The following OTUD7A variants were observed in gnomAD, a reference collection of about 807,000 sequenced individuals.
OTUD7A encodes the protein OTU domain-containing protein 7A.
In OTUD7A, 12 loss-of-function variants were observed where a neutral mutation model predicts 65.7. That is an observed-to-expected ratio of 0.18 (90% CI 0.12 to 0.30). The LOEUF (loss-of-function observed/expected upper bound fraction) is 0.30. OTUD7A is among the 10% of genes least tolerant of loss of function. The pLI is 1.00. For missense variants in OTUD7A, 1,148 were observed against 1,304.8 expected, an observed-to-expected ratio of 0.88 and a Z score of 1.85; for synonymous variants, 641 against 586.3, an observed-to-expected ratio of 1.09 and a Z score of -1.35.
chr15:31,766,607 GATA>G (rs1445530025), intron 1 of OTUD7A: 148 of 1,608,638 alleles, frequency 9.2e-5, no homozygotes, highest in Non-Finnish European at 1.2e-4. Context: ...CTGGTGTATT[GATA>G]ATAACTATTC....
intron 1 of OTUD7A, among the ~76,000 whole-genome samples, chr15:31,682,885 ATGTG>A (rs1892751038): frequency 6.6e-6 from 1 of 152,184 alleles, no homozygotes; most frequent in Non-Finnish European, 1.5e-5. Context: ...TTGCATGCGC[ATGTG>A]TGTATGAATG....
chr15:31,753,684 GAGATATATATATATATATT>G (rs1555413844), intron 1 of OTUD7A, among the ~76,000 whole-genome samples: 28,631 of 60,742 alleles, frequency 0.47, 5,128 homozygotes, highest in Middle Eastern at 0.56. Flanking sequence ...TATAACCTGT[GAGATATATATATATATATT>G]ATATATATAT....
At chr15:31,602,369 A>G (rs1376752734) in intron 3 of OTUD7A, among the ~76,000 whole-genome samples, 1 of 152,182 alleles carries the variant, frequency 6.6e-6, no homozygotes. Context: ...GATTATCTCA[A>G]TGGATGCAGA....
intron 1 of OTUD7A, among the ~76,000 whole-genome samples, chr15:31,772,460 G>A (rs986347008): frequency 2.6e-5 from 4 of 152,032 alleles, no homozygotes; most frequent in Non-Finnish European, 4.4e-5. Context: ...TGAGTTGTGG[G>A]GCATACACAG....
chr15:31,844,821 G>A (rs1346154108), intron 1 of OTUD7A, among the ~76,000 whole-genome samples: 1 of 152,234 alleles, frequency 6.6e-6, no homozygotes, highest in Non-Finnish European at 1.5e-5. Context: ...GGCCACGAGA[G>A]GCAATGCCCT....
chr15:31,816,764 C>T lies in OTUD7A; in HGVS notation c.-100+53743G>A, dbSNP rs1287600283. 5.3e-5 allele frequency among the ~76,000 whole-genome samples: 8 copies of T among 152,182 alleles called. No individual in the cohort carries two copies. In the East Asian group the frequency reaches 1.5e-3, roughly 29 times the overall value. ...ACTTAAAAGAATCCTAGGGTAAATC[C>T]TTTGGCAAACAAATTATTAATGCCA... On this transcript the variant is annotated intron_variant, in intron 1 of 12. Coordinates refer to ENST00000307050, the MANE Select transcript of OTUD7A (RefSeq NM_001382637.1).
chr15:31,737,300 T>C (rs1378764417), intron 1 of OTUD7A, among the ~76,000 whole-genome samples: 1 of 152,110 alleles, frequency 6.6e-6, no homozygotes, highest in African/African-American at 2.4e-5. Context: ...CTATCCACTA[T>C]TGAAATAGAG....
At position 31,476,237 on chromosome 15, in the gene OTUD7A, G is replaced by A. The variant is rs1335347655; in HGVS notation, c.*7057C>T. 1 of 152,274 alleles carries A rather than the reference G, an allele frequency of 6.6e-6. No homozygotes were observed. Among genetic ancestry groups the A allele is most frequent in the Non-Finnish European group, 1.5e-5 (1 of 68,062 alleles). The allele number at this position is 152,274 out of a possible 1,614,324, so 9.4% of individuals were successfully genotyped here. A position where few individuals can be genotyped will look rare whatever the true frequency, so the allele number is the denominator to read the frequency against. ...GGTGACTGGCTCTGTCAGAGGTGGG[G>A]CTTGCCTCTGTGTGTACAGGGGCTG... On this transcript the variant is annotated 3_prime_UTR_variant, in exon 13 of 13. Transcript: ENST00000307050.
At chr15:31,784,802 T>G (rs550314416) in intron 1 of OTUD7A, among the ~76,000 whole-genome samples, 8 of 152,300 alleles carry the variant, frequency 5.3e-5, no homozygotes, top group African/African-American at 1.9e-4. Context: ...CAATTAAAAT[T>G]TATTACTTTT....
intron 1 of OTUD7A, among the ~76,000 whole-genome samples, chr15:31,683,678 G>C (rs1439497486): frequency 6.6e-6 from 1 of 152,024 alleles, no homozygotes; most frequent in Non-Finnish European, 1.5e-5. Context: ...TAAAAAGATA[G>C]GTATGATTAT....
chr15:31,483,788 G>T lies in OTUD7A; in HGVS notation c.2308C>A (p.Pro770Thr). ...SASGPVPGRS[P>T]PAPARQSVIH... ...ACGCTCTGGCGCGCTGGCGCCGGGG[G>T]GCTGCGGCCAGGCACTGGTCCGCTG... The change falls in exon 13 of 13, where the codon CCC (proline) becomes ACC (threonine). Residue 770 changes from proline to threonine, a missense_variant. Transcript: ENST00000307050. 1 of 1,043,872 alleles carries T rather than the reference G, an allele frequency of 9.6e-7. No individual in the cohort carries two copies. The highest frequency in any genetic ancestry group is 1.1e-6 in the Non-Finnish European group (1 of 869,894). The allele number at this position is 1,043,872 out of a possible 1,614,324, so 64.7% of individuals were successfully genotyped here.
intron 1 of OTUD7A, among the ~76,000 whole-genome samples, chr15:31,725,246 G>T (rs939784090): frequency 1.3e-5 from 2 of 152,194 alleles, no homozygotes; most frequent in Non-Finnish European, 2.9e-5. Context: ...ACGACCAAGG[G>T]TGATGGGACC....
rs1284364607 is a variant in OTUD7A at position 31,510,916 on chromosome 15, C to T, written c.894-7098G>A. 6.4e-5 allele frequency among the ~76,000 whole-genome samples: 2 copies of T among 31,066 alleles called. 1 individual carries two copies. 20.4% of individuals were successfully genotyped at this position (31,066 alleles called of 152,430 possible). On this transcript the variant is annotated intron_variant, in intron 8 of 12. Coordinates refer to ENST00000307050, the MANE Select transcript of OTUD7A (RefSeq NM_001382637.1). ...ATCTATATGTAACATATATGTATATCTATATGTAACATATATGTATATCTA... is the reference window on the plus strand; with the variant it reads ...ATCTATATGTAACATATATGTATATTTATATGTAACATATATGTATATCTA...
chr15:31,681,467 G>A lies in OTUD7A; in HGVS notation c.-99-24390C>T, dbSNP rs189599542. ...CTGTTTTTCTGTCTGTCCATCTGGA[G>A]TCTCAATGTTTTTCCTTGTCTGTAT... On this transcript the variant is annotated intron_variant, in intron 1 of 12. Coordinates refer to ENST00000307050, the MANE Select transcript of OTUD7A (RefSeq NM_001382637.1). 2.9e-3 allele frequency among the ~76,000 whole-genome samples: 435 copies of A among 148,928 alleles called. 4 individuals carry two copies. Among genetic ancestry groups the A allele is most frequent in the African/African-American group, 9.5e-3 (376 of 39,780 alleles).
chr15:31,618,928 A>G (rs565817278), intron 3 of OTUD7A, among the ~76,000 whole-genome samples: 9 of 152,264 alleles, frequency 5.9e-5, no homozygotes, highest in Admixed American at 5.2e-4. Context: ...TAAGTCTTTA[A>G]TCCATCTTGA....
chr15:31,483,491 G>C lies in OTUD7A; in HGVS notation c.2605C>G (p.Leu869Val). Residue 869 changes from leucine to valine, a missense_variant, in exon 13 of 13, where the codon CTG becomes GTG. Leu to Val is a conservative substitution (Grantham distance 32, BLOSUM62 1). Coordinates refer to ENST00000307050, the MANE Select transcript of OTUD7A (RefSeq NM_001382637.1). ...TNGFGALRDGLEFADADAPTA... is the reference protein window; with the variant it reads ...TNGFGALRDGVEFADADAPTA... ...GGCGCGTCGGCGTCGGCGAACTCCA[G>C]GCCGTCGCGCAGGGCGCCGAAGCCG... is the stretch of plus-strand genomic sequence containing the variant. The C allele has an allele frequency of 7.1e-7, 1 of 1,399,222 alleles. No homozygotes were observed. The allele number at this position is 1,399,222 out of a possible 1,614,324, so 86.7% of individuals were successfully genotyped here. A position where few individuals can be genotyped will look rare whatever the true frequency, so the allele number is the denominator to read the frequency against.
rs1248618002 is a variant in OTUD7A at position 31,483,528 on chromosome 15, C to G, written c.2568G>C (p.Gln856His). The G allele has an allele frequency of 2.9e-6, 4 of 1,379,922 alleles. No homozygotes were observed. The highest frequency in any genetic ancestry group is 3.8e-6 in the Non-Finnish European group (4 of 1,063,240). The allele number at this position is 1,379,922 out of a possible 1,614,324, so 85.5% of individuals were successfully genotyped here. A position where few individuals can be genotyped will look rare whatever the true frequency, so the allele number is the denominator to read the frequency against. The change falls in exon 13 of 13, where the codon CAG becomes CAC. Residue 856 changes from glutamine to histidine, a missense_variant. Physicochemically the swap from Gln to His is conservative, Grantham distance 24 (BLOSUM62 0). Around this residue, in one of 6 missense-constraint regions of OTUD7A, gnomAD observed 842 missense variants for 769.5 expected, o/e 1.09. Coordinates refer to ENST00000307050, the MANE Select transcript of OTUD7A (RefSeq NM_001382637.1). ...GTAGAAEHKS[Q>H]TYTNGFGALR... ...GGGCGCCGAAGCCGTTGGTGTAGGT[C>G]TGCGACTTGTGCTCGGCCGCCCCCG...
At chr15:31,687,395 G>C (rs906339378) in intron 1 of OTUD7A, among the ~76,000 whole-genome samples, 53 of 152,192 alleles carry the variant, frequency 3.5e-4, no homozygotes, top group African/African-American at 1.2e-3. Context: ...TTTTGCTAAA[G>C]GTCTTATAAG....
At chr15:31,539,050 C>T (rs1887898914) in intron 5 of OTUD7A, among the ~76,000 whole-genome samples, 1 of 152,198 alleles carries the variant, frequency 6.6e-6, no homozygotes, top group Non-Finnish European at 1.5e-5. Flanking sequence ...GAGGCGCTGG[C>T]TTGGCCTCTC....
Sources: gnomAD v4.1 joint callset for allele counts (sites outside exome capture counted in the v4.1 genomes callset) on GRCh38, gnomAD v4.1.1 for gene constraint, gnomAD v4.1.1 regional missense constraint, MANE v1.5 for transcripts, NCBI Gene and HGNC (gene_info 2026-07-23, HGNC 2026-07-21) for gene names.